SOX5: variants seen among roughly 807,000 people sequenced by gnomAD.
SOX5 encodes the protein transcription factor SOX-5.
A neutral mutation model predicts 92.0 loss-of-function variants in SOX5; 9 were observed. The ratio of observed to expected loss-of-function variants is 0.10; its 90% CI spans 0.06 to 0.17. The LOEUF is 0.17. Ranked by LOEUF, SOX5 falls within the 10% of genes least tolerant of loss-of-function variation. The pLI, the probability that SOX5 is intolerant of heterozygous loss-of-function variation, is 1.00. For missense variants in SOX5, 642 were observed against 944.5 expected (o/e 0.68, Z 4.20); for synonymous variants, 344 against 336.3 (o/e 1.02, Z -0.25).
intron 2 of SOX5, among the ~76,000 whole-genome samples, chr12:24,319,693 T>G (rs1401828451): frequency 2.6e-5 from 4 of 152,206 alleles, no homozygotes; most frequent in African/African-American, 9.6e-5. Flanking sequence ...ATTCTGTTAC[T>G]ATTTTGCAAA....
At chr12:24,093,687 T>C (rs986258721) in intron 4 of SOX5, among the ~76,000 whole-genome samples, 6 of 137,384 alleles carry the variant, frequency 4.4e-5, no homozygotes, top group African/African-American at 1.6e-4. Flanking sequence ...ATATTTTGGT[T>C]GTCCTTTTTT....
chr12:23,746,303 T>C (rs2093982549), intron 4 of SOX5, among the ~76,000 whole-genome samples: 2 of 152,020 alleles, frequency 1.3e-5, no homozygotes, highest in African/African-American at 4.8e-5. Context: ...TCCAGAGGCC[T>C]CCCAGCAAAA....
chr12:23,776,718 C>G (rs2095114679), intron 3 of SOX5, among the ~76,000 whole-genome samples: 1 of 152,094 alleles, frequency 6.6e-6, no homozygotes, highest in African/African-American at 2.4e-5. Flanking sequence ...GAGTGCACAA[C>G]CTAGATCCCT....
intron 6 of SOX5, among the ~76,000 whole-genome samples, chr12:23,689,553 C>A (rs2088348640): frequency 6.6e-6 from 1 of 152,100 alleles, no homozygotes. Context: ...ATCACCTCTT[C>A]TCATCTATTT....
At chr12:24,123,337 T>C (rs1278731050) in intron 4 of SOX5, among the ~76,000 whole-genome samples, 2 of 152,236 alleles carry the variant, frequency 1.3e-5, no homozygotes, top group Non-Finnish European at 2.9e-5. Flanking sequence ...ATCTCAGAGA[T>C]AGAGAGTTAT....
chr12:24,453,184 G>C (rs1942565073), intron 1 of SOX5, among the ~76,000 whole-genome samples: 1 of 152,048 alleles, frequency 6.6e-6, no homozygotes, highest in African/African-American at 2.4e-5. Flanking sequence ...CCACATTTCA[G>C]GAAATACATG....
intron 6 of SOX5, among the ~76,000 whole-genome samples, chr12:23,728,863 T>C (rs1567277496): frequency 6.6e-6 from 1 of 152,162 alleles, no homozygotes; most frequent in Admixed American, 6.6e-5. Flanking sequence ...AAACAACTTA[T>C]GTGACACTGG....
intron 1 of SOX5, among the ~76,000 whole-genome samples, chr12:24,437,616 G>A (rs1490994939): frequency 6.6e-6 from 1 of 152,144 alleles, no homozygotes; most frequent in African/African-American, 2.4e-5. Context: ...CCATCAAAAA[G>A]TGGGTGAAGG....
chr12:23,608,828 A>G (rs145176717), intron 8 of SOX5, among the ~76,000 whole-genome samples: 223 of 152,310 alleles, frequency 1.5e-3, no homozygotes, highest in Non-Finnish European at 2.5e-3. Context: ...TTATTAATGG[A>G]TTAAATACAC....
intron 4 of SOX5, among the ~76,000 whole-genome samples, chr12:24,095,787 G>T (rs1327449305): frequency 2.0e-5 from 3 of 152,118 alleles, no homozygotes. Context: ...AGATCTGATG[G>T]TTTTATAAGG....
At chr12:23,637,893 G>T (rs978971474) in intron 8 of SOX5, 1 of 152,432 alleles carries the variant, frequency 6.6e-6, no homozygotes, top group Non-Finnish European at 1.5e-5. Context: ...AAACAATGCG[G>T]TGTTTGCTGC....
At chr12:24,213,963 T>A (rs915016898) in intron 3 of SOX5, among the ~76,000 whole-genome samples, 1 of 151,644 alleles carries the variant, frequency 6.6e-6, no homozygotes, top group Non-Finnish European at 1.5e-5. Flanking sequence ...TATATATATA[T>A]AATGTAATAT....
chr12:23,850,690 G>T (rs2096623942), intron 2 of SOX5, among the ~76,000 whole-genome samples: 1 of 151,990 alleles, frequency 6.6e-6, no homozygotes, highest in Non-Finnish European at 1.5e-5. Flanking sequence ...TGTCTAAAGA[G>T]CTCTTTCAAT....
chr12:23,883,391 T>C (rs559766969), intron 2 of SOX5, among the ~76,000 whole-genome samples: 20 of 152,240 alleles, frequency 1.3e-4, no homozygotes, highest in Admixed American at 3.9e-4. Flanking sequence ...AAAACATGAA[T>C]ATTAGAAACC....
intron 1 of SOX5, among the ~76,000 whole-genome samples, chr12:24,472,809 T>C (rs1944949913): frequency 6.6e-6 from 1 of 152,020 alleles, no homozygotes; most frequent in Non-Finnish European, 1.5e-5. Context: ...GCTATACATA[T>C]ACTGTATGTT....
chr12:24,486,365 C>T (rs1219816766), intron 1 of SOX5, among the ~76,000 whole-genome samples: 1 of 152,158 alleles, frequency 6.6e-6, no homozygotes, highest in Non-Finnish European at 1.5e-5. Flanking sequence ...ATTAAATTTG[C>T]CTGTGTGGAG....
intron 3 of SOX5, among the ~76,000 whole-genome samples, chr12:23,833,718 A>C (rs1023743769): frequency 3.3e-5 from 5 of 152,010 alleles, no homozygotes; most frequent in Admixed American, 2.0e-4. Context: ...CACAGAAAAA[A>C]ATGAAAAGAA....
At chr12:24,161,080 G>T (rs1952705814) in intron 4 of SOX5, among the ~76,000 whole-genome samples, 1 of 152,020 alleles carries the variant, frequency 6.6e-6, no homozygotes, top group Non-Finnish European at 1.5e-5. Context: ...GAAGTGGTGG[G>T]CTTAACTCCA....
chr12:23,972,986 C>G (rs993387178), intron 4 of SOX5, among the ~76,000 whole-genome samples: 3 of 152,086 alleles, frequency 2.0e-5, no homozygotes, highest in Non-Finnish European at 4.4e-5. Context: ...TCCCTCCCCC[C>G]AAGCCTCAAG....
Sources: allele counts gnomAD v4.1 joint callset (sites outside exome capture counted in the v4.1 genomes callset), GRCh38; gene constraint gnomAD v4.1.1; transcripts MANE v1.5; gene names NCBI Gene and HGNC (gene_info 2026-07-23, HGNC 2026-07-21).